Variants in UST observed in about 807,000 individuals in gnomAD.
UST encodes the protein uronyl 2-sulfotransferase.
Under a neutral mutation model 45.6 loss-of-function variants are expected in UST, and 21 were observed. That is an observed-to-expected ratio of 0.46 (90% CI 0.33 to 0.66). The LOEUF (loss-of-function observed/expected upper bound fraction) is 0.66. Ranked by LOEUF, UST falls within the 30% of genes least tolerant of loss-of-function variation. The pLI is 0.02. For missense variants in UST, 463 were observed against 512.4 expected, an observed-to-expected ratio of 0.90 and a Z score of 0.93; for synonymous variants, 215 against 200.6, an observed-to-expected ratio of 1.07 and a Z score of -0.61.
At chr6:148,867,677 T>G (rs1396357755) in intron 1 of UST, among the ~76,000 whole-genome samples, 1 of 152,148 alleles carries the variant, frequency 6.6e-6, no homozygotes, top group Non-Finnish European at 1.5e-5. Context: ...TGCCACCATG[T>G]AAGATGTGCC....
intron 1 of UST, among the ~76,000 whole-genome samples, chr6:148,766,669 G>A (rs1448587309): frequency 1.3e-5 from 2 of 152,194 alleles, no homozygotes; most frequent in Non-Finnish European, 2.9e-5. Context: ...CTTTCCTAAA[G>A]GCCCTGTTGA....
chr6:148,967,539 C>T (rs1379668330), intron 5 of UST, among the ~76,000 whole-genome samples: 3 of 152,200 alleles, frequency 2.0e-5, no homozygotes. Flanking sequence ...AAATTGCCCC[C>T]TTTCAGAAGA....
At chr6:149,022,976 T>G (rs1019144143) in intron 7 of UST, among the ~76,000 whole-genome samples, 1 of 152,236 alleles carries the variant, frequency 6.6e-6, no homozygotes, top group African/African-American at 2.4e-5. Context: ...GACTGATTTT[T>G]ATTTCTAGAA....
rs545243750 is a variant in UST, at chr6:148,859,980, C to A, written c.248-27006C>A. Reference sequence around the variant, plus strand: ...TAGGATTGTCTTGGCAATGCAGGCTCTTTTTTGGTTCCACATGAACTTTAA... The same window carrying A: ...TAGGATTGTCTTGGCAATGCAGGCTATTTTTTGGTTCCACATGAACTTTAA... On this transcript the variant is annotated intron_variant, in intron 1 of 7. Coordinates refer to ENST00000367463, the MANE Select transcript of UST (RefSeq NM_005715.3). Among the ~76,000 whole-genome samples the A allele has an allele frequency of 3.7e-3, 566 of 152,326 alleles. 4 individuals carry two copies. The highest frequency in any genetic ancestry group is 0.013 in the African/African-American group (535 of 41,580).
rs1439470603 is a variant in UST, at chr6:149,075,958, CGAGT to C, written c.*1846_*1849del. On this transcript the variant is annotated 3_prime_UTR_variant, in exon 8 of 8. Transcript: ENST00000367463. ...ATAAAGCAAGTCATTTGGAACCTGC[CGAGT>C]GAGCACTGAAGCTACTTTATCATGA... 1 of 152,574 alleles carries C rather than the reference CGAGT, an allele frequency of 6.6e-6. No individual in the cohort carries two copies. The highest frequency in any genetic ancestry group is 1.5e-5 in the Non-Finnish European group (1 of 68,042). 9.5% of individuals were successfully genotyped at this position (152,574 alleles called of 1,614,324 possible).
intron 5 of UST, among the ~76,000 whole-genome samples, chr6:148,989,919 T>G (rs1781315483): frequency 6.6e-6 from 1 of 152,210 alleles, no homozygotes; most frequent in African/African-American, 2.4e-5. Flanking sequence ...CCATTTGGAA[T>G]TTAGATGGAA....
chr6:148,988,817 G>A (rs887831275), intron 5 of UST, among the ~76,000 whole-genome samples: 3 of 151,812 alleles, frequency 2.0e-5, no homozygotes, highest in African/African-American at 7.3e-5. Context: ...AGTAGACTTC[G>A]CCTATTCCCA....
intron 3 of UST, among the ~76,000 whole-genome samples, chr6:148,948,062 C>G (rs1326035465): frequency 6.6e-6 from 1 of 152,128 alleles, no homozygotes; most frequent in African/African-American, 2.4e-5. Context: ...GTCATTGCTC[C>G]CCCTGGTGGA....
At chr6:149,034,843 TCTCTC>T (rs1416089447) in intron 7 of UST, among the ~76,000 whole-genome samples, 1 of 14,664 alleles carries the variant, frequency 6.8e-5, no homozygotes, top group Non-Finnish European at 1.3e-4. Flanking sequence ...ATTCTCTCTC[TCTCTC>T]TCTCTCTCTC....
intron 1 of UST, among the ~76,000 whole-genome samples, chr6:148,841,950 A>G (rs940908424): frequency 2.0e-5 from 3 of 152,182 alleles, no homozygotes; most frequent in Non-Finnish European, 4.4e-5. Flanking sequence ...TCCTAGAAAT[A>G]CAAAAATTAG....
chr6:148,770,475 C>T (rs996796835), intron 1 of UST, among the ~76,000 whole-genome samples: 1 of 151,656 alleles, frequency 6.6e-6, no homozygotes, highest in African/African-American at 2.4e-5. Flanking sequence ...GCAAGGTAGG[C>T]GCCTACAGTA....
chr6:148,850,223 A>G (rs1778078189), intron 1 of UST, among the ~76,000 whole-genome samples: 1 of 152,224 alleles, frequency 6.6e-6, no homozygotes, highest in South Asian at 2.1e-4. Context: ...GACACAGAGA[A>G]GTTGAGTAGC....
At chr6:148,923,497 T>A (rs1779754642) in intron 2 of UST, among the ~76,000 whole-genome samples, 1 of 152,242 alleles carries the variant, frequency 6.6e-6, no homozygotes, top group Admixed American at 6.5e-5. Context: ...GGTATCTCAT[T>A]GTGATTACTC....
chr6:148,995,934 G>C (rs1177891835), intron 5 of UST, among the ~76,000 whole-genome samples: 2 of 152,198 alleles, frequency 1.3e-5, no homozygotes, highest in Non-Finnish European at 2.9e-5. Flanking sequence ...GGCACCTGTG[G>C]GCATTGGTAA....
intron 2 of UST, among the ~76,000 whole-genome samples, chr6:148,899,074 G>C (rs1456918257): frequency 1.4e-5 from 2 of 144,112 alleles, no homozygotes; most frequent in Admixed American, 6.9e-5. Context: ...TCCCAATATA[G>C]CATATAGCTA....
chr6:148,809,729 A>C lies in UST; in HGVS notation c.247+62052A>C, dbSNP rs1244644494. Reference sequence around the variant, plus strand: ...TTTTGAATACCTTTGCCATTCATGTACATACCCATCAGTGAGTCTCAGGGT... The same window carrying C: ...TTTTGAATACCTTTGCCATTCATGTCCATACCCATCAGTGAGTCTCAGGGT... On this transcript the variant is annotated intron_variant, in intron 1 of 7. Transcript: ENST00000367463. Among the ~76,000 whole-genome samples, 3 of 152,272 alleles carry C rather than the reference A, an allele frequency of 2.0e-5. No homozygotes were observed. In the East Asian group the frequency reaches 5.8e-4, roughly 29 times the overall value.
intron 5 of UST, among the ~76,000 whole-genome samples, chr6:149,015,417 C>T (rs1329429183): frequency 1.3e-5 from 2 of 152,078 alleles, no homozygotes; most frequent in Non-Finnish European, 2.9e-5. Flanking sequence ...TCTTGAGCAG[C>T]GTGGGGTCTT....
intron 5 of UST, among the ~76,000 whole-genome samples, chr6:149,011,808 T>G (rs528337482): frequency 3.6e-4 from 55 of 152,272 alleles, no homozygotes; most frequent in South Asian, 1.9e-3. Flanking sequence ...CGAGACTTCA[T>G]CTCAAAAAAC....
At chr6:148,819,272 A>AT (rs1777411989) in intron 1 of UST, among the ~76,000 whole-genome samples, 1 of 152,190 alleles carries the variant, frequency 6.6e-6, no homozygotes, top group Non-Finnish European at 1.5e-5. Context: ...TTAAAAAAAA[A>AT]CAAAAACAAA....
Sources: gnomAD v4.1 joint callset for allele counts (sites outside exome capture counted in the v4.1 genomes callset) on GRCh38, gnomAD v4.1.1 for gene constraint, MANE v1.5 for transcripts, NCBI Gene and HGNC (gene_info 2026-07-23, HGNC 2026-07-21) for gene names.